KCNK9: variants seen among roughly 807,000 people sequenced by gnomAD.
KCNK9 encodes potassium two pore domain channel subfamily K member 9, also known as potassium channel subfamily K member 9.
In KCNK9, 1 loss-of-function variant was observed where a neutral mutation model predicts 10.8. The observed-to-expected ratio is 0.09, with a 90% CI of 0.03 to 0.44. KCNK9 has a LOEUF of 0.44. KCNK9 is among the 20% of genes least tolerant of loss of function. The pLI is 0.97. For missense variants in KCNK9, 303 were observed against 515.0 expected (o/e 0.59, Z 3.98); for synonymous variants, 231 against 222.7 (o/e 1.04, Z -0.33).
chr8:139,644,010 C>T (rs996604662), intron 1 of KCNK9, among the ~76,000 whole-genome samples: 6 of 152,226 alleles, frequency 3.9e-5, no homozygotes, highest in African/African-American at 1.4e-4. Flanking sequence ...ACCTCTGCCA[C>T]GATACCCACA....
rs946706704 is a variant in KCNK9 at position 139,626,081 on chromosome 8, A to G, written c.284-6982T>C. Among the ~76,000 whole-genome samples, 4 of 152,204 alleles carry G rather than the reference A, an allele frequency of 2.6e-5. No individual in the cohort carries two copies. In the East Asian group the frequency reaches 7.7e-4, roughly 29 times the overall value. On this transcript the variant is annotated intron_variant, in intron 1 of 1. Transcript: ENST00000520439. ...GTTCTGAGCTCCATATTTTAATTAA[A>G]GACACTCAAAGTATCCAGTGGGCTG...
chr8:139,648,148 T>C (rs1759254819), intron 1 of KCNK9, among the ~76,000 whole-genome samples: 2 of 152,118 alleles, frequency 1.3e-5, no homozygotes, highest in South Asian at 2.1e-4. Flanking sequence ...TAATGCTCAG[T>C]GAAGAAAGCC....
intron 1 of KCNK9, among the ~76,000 whole-genome samples, chr8:139,677,376 G>A (rs1305795056): frequency 6.6e-6 from 1 of 152,024 alleles, no homozygotes; most frequent in Non-Finnish European, 1.5e-5. Flanking sequence ...CCAGGGCCTG[G>A]GGCTCTTTCC....
At chr8:139,654,883 G>A (rs752621877) in intron 1 of KCNK9, among the ~76,000 whole-genome samples, 20 of 152,108 alleles carry the variant, frequency 1.3e-4, no homozygotes, top group Non-Finnish European at 2.2e-4. Context: ...AGAGGCAGGC[G>A]GCTAGAGAGA....
downstream of KCNK9, among the ~76,000 whole-genome samples, chr8:139,614,815 A>G (rs1365736547): frequency 6.6e-6 from 1 of 152,196 alleles, no homozygotes; most frequent in African/African-American, 2.4e-5. Flanking sequence ...AGAGTGCTCA[A>G]TCTTCATCTA....
intron 1 of KCNK9, among the ~76,000 whole-genome samples, chr8:139,633,566 G>A (rs188630747): frequency 6.6e-6 from 1 of 152,256 alleles, no homozygotes; most frequent in East Asian, 1.9e-4. Flanking sequence ...CACACACTCA[G>A]ACACACGTAT....
rs568007247 is a variant in KCNK9 at position 139,602,936 on chromosome 8, G to T, written c.*1-1335C>A. 1.2e-4 allele frequency among the ~76,000 whole-genome samples: 18 copies of T among 152,262 alleles called. No individual in the cohort carries two copies. In the East Asian group the frequency reaches 3.3e-3, roughly 28 times the overall value. ...TATCGCTGCCAGTCATGCCCTCTTT[G>T]TCACCGTGGTTTCAGTTGCCCTAGA... On this transcript the variant is annotated intron_variant, in intron 2 of 2. Coordinates refer to the KCNK9 transcript ENST00000650269.
At chr8:139,656,277 C>T (rs1316716344) in intron 1 of KCNK9, among the ~76,000 whole-genome samples, 3 of 152,158 alleles carry the variant, frequency 2.0e-5, no homozygotes, top group Non-Finnish European at 2.9e-5. Context: ...CAGGAGCAGC[C>T]CGAGCAGAGA....
At chr8:139,642,826 C>T (rs750750701) in intron 1 of KCNK9, among the ~76,000 whole-genome samples, 1 of 152,208 alleles carries the variant, frequency 6.6e-6, no homozygotes, top group Non-Finnish European at 1.5e-5. Context: ...GGGAGAGTGG[C>T]GGCCCCCATG....
intron 1 of KCNK9, among the ~76,000 whole-genome samples, chr8:139,654,201 T>C (rs879351106): frequency 6.6e-6 from 1 of 152,274 alleles, no homozygotes; most frequent in Non-Finnish European, 1.5e-5. Context: ...ATTTTCTGCC[T>C]GTATATCCAG....
intron 1 of KCNK9, among the ~76,000 whole-genome samples, chr8:139,633,799 C>G (rs1815249246): frequency 6.6e-6 from 1 of 152,234 alleles, no homozygotes; most frequent in South Asian, 2.1e-4. Context: ...CAACACCACA[C>G]AGGGCCTTCC....
chr8:139,697,330 A>T, intron 1 of KCNK9, among the ~76,000 whole-genome samples: 1 of 135,856 alleles, frequency 7.4e-6, no homozygotes, highest in African/African-American at 2.8e-5. Flanking sequence ...ATGAATGGTG[A>T]ATGGGTGAGT....
intron 1 of KCNK9, among the ~76,000 whole-genome samples, chr8:139,698,238 G>C (rs1817114226): frequency 6.6e-6 from 1 of 152,168 alleles, no homozygotes; most frequent in Non-Finnish European, 1.5e-5. Flanking sequence ...GGAGGTGAGT[G>C]CATGCGTGTG....
intron 1 of KCNK9, among the ~76,000 whole-genome samples, chr8:139,663,761 A>G (rs1463543803): frequency 6.6e-6 from 1 of 152,072 alleles, no homozygotes; most frequent in Non-Finnish European, 1.5e-5. Context: ...ACCGCCTGAG[A>G]GACCTCGAGG....
intron 1 of KCNK9, among the ~76,000 whole-genome samples, chr8:139,623,876 C>T (rs1268281435): frequency 6.6e-6 from 1 of 152,144 alleles, no homozygotes; most frequent in Non-Finnish European, 1.5e-5. Flanking sequence ...ACCAGGACTC[C>T]CAGAGGGGCG....
intron 1 of KCNK9, among the ~76,000 whole-genome samples, chr8:139,624,668 C>T (rs566304871): frequency 4.7e-4 from 72 of 152,304 alleles, no homozygotes; most frequent in African/African-American, 1.7e-3. Context: ...GAACCAACCC[C>T]TCGAGTGGCA....
At chr8:139,638,928 C>T (rs776229911) in intron 1 of KCNK9, among the ~76,000 whole-genome samples, 4 of 152,188 alleles carry the variant, frequency 2.6e-5, no homozygotes. Context: ...TTCTCCCATT[C>T]ACCAGTCCAA....
chr8:139,647,819 C>T (rs1391026285), intron 1 of KCNK9, among the ~76,000 whole-genome samples: 1 of 152,186 alleles, frequency 6.6e-6, no homozygotes, highest in Non-Finnish European at 1.5e-5. Context: ...CGCCCTTACC[C>T]CCTCTCAGGT....
chr8:139,677,231 T>C (rs7825701), intron 1 of KCNK9, among the ~76,000 whole-genome samples: 113,034 of 151,992 alleles, frequency 0.74, 42,410 homozygotes, highest in African/African-American at 0.79. Context: ...GTGCCTGTGC[T>C]GGGTGTTAGA....
Sources: allele counts gnomAD v4.1 joint callset (sites outside exome capture counted in the v4.1 genomes callset), GRCh38; gene constraint gnomAD v4.1.1; transcripts MANE v1.5; gene names NCBI Gene and HGNC (gene_info 2026-07-23, HGNC 2026-07-21).